The following RUBCNL variants were observed in gnomAD, a reference collection of about 807,000 sequenced individuals.
RUBCNL encodes the protein rubicon like autophagy enhancer, also known as protein associated with UVRAG as autophagy enhancer.
A neutral mutation model predicts 69.5 loss-of-function variants in RUBCNL; 62 were observed. That is an observed-to-expected ratio of 0.89 (90% confidence interval 0.73 to 1.10). The LOEUF (loss-of-function observed/expected upper bound fraction) is 1.10, where lower values mean the gene tolerates loss of function less well. RUBCNL is among the 50% of genes least tolerant of loss of function. The probability of loss-of-function intolerance (pLI) is 0.00; values close to 1 mark genes in which losing one functional copy is unlikely to be tolerated. For synonymous variants in RUBCNL, 291 were observed against 303.6 expected (o/e 0.96, Z 0.43); for missense variants, 768 against 798.1 (o/e 0.96, Z 0.45).
chr13:46,369,417 CT>C (rs1369050480), intron 3 of RUBCNL, among the ~76,000 whole-genome samples: 1 of 152,038 alleles, frequency 6.6e-6, no homozygotes, highest in Non-Finnish European at 1.5e-5. Flanking sequence ...GTCTCATTAG[CT>C]TGCCCAGGCT....
At position 46,356,457 on chromosome 13, in the gene RUBCNL, G is replaced by A. The variant is rs144477423; in HGVS notation, c.1305C>T (p.Ala435=). The A allele has an allele frequency of 3.4e-5, 55 of 1,613,774 alleles. No homozygotes were observed. Among genetic ancestry groups the A allele is most frequent in the East Asian group, 2.2e-5 (1 of 44,878 alleles). ...LVVAAQNFFC[A]GCGTPVEPKF... is the part of the protein sequence containing the mutation. ...TAGGCTCTACTGGAGTTCCACAGCC[G>A]GCACAGAAAAAATTCTGGGCTGCCA... The change falls in exon 10 of 15, where the codon GCC becomes GCT. Residue 435 remains alanine, a synonymous_variant. Transcript: ENST00000429979.
rs572128258 is a variant in RUBCNL at position 46,342,636 on chromosome 13, A to C, written c.*749T>G. On this transcript the variant is annotated 3_prime_UTR_variant, in exon 15 of 15. Transcript: ENST00000429979. ...CTTATGTTCAGTTTTACATCTGTTA[A>C]AGCAAGATCCTCAAGGGCAGGGATG... 9 of 152,332 alleles carry C rather than the reference A, an allele frequency of 5.9e-5. No homozygotes were observed. In the East Asian group the frequency reaches 1.7e-3, roughly 29 times the overall value. The allele number at this position is 152,332 out of a possible 1,614,324, so 9.4% of individuals were successfully genotyped here. A position where few individuals can be genotyped will look rare whatever the true frequency, so the allele number is the denominator to read the frequency against.
At chr13:46,382,364 T>A (rs1345711880) in intron 1 of RUBCNL, among the ~76,000 whole-genome samples, 4 of 150,816 alleles carry the variant, frequency 2.7e-5, no homozygotes, top group Non-Finnish European at 5.9e-5. Context: ...AATAAATGTG[T>A]CAAAAATAGG....
At chr13:46,379,840 C>T (rs1161324480) in intron 1 of RUBCNL, among the ~76,000 whole-genome samples, 2 of 152,224 alleles carry the variant, frequency 1.3e-5, no homozygotes, top group Admixed American at 1.3e-4. Flanking sequence ...TCAGGATCTA[C>T]TTCTCTTCAT....
rs1183678593 is a variant in RUBCNL, at chr13:46,341,974, G to A, written c.*1411C>T. ...TACCCTTGATTCTTAACAGGGAATA[G>A]GAGCAATGGGCAAGAATGAAACATT... On this transcript the variant is annotated 3_prime_UTR_variant, in exon 15 of 15. Transcript: ENST00000429979. The A allele has an allele frequency of 6.6e-6, 1 of 152,242 alleles. No individual in the cohort carries two copies. The allele number at this position is 152,242 out of a possible 1,614,324, so 9.4% of individuals were successfully genotyped here. A position where few individuals can be genotyped will look rare whatever the true frequency, so the allele number is the denominator to read the frequency against.
chr13:46,349,209 G>A, intron 12 of RUBCNL, 77 bp downstream of exon 12: 1 of 1,263,616 alleles, frequency 7.9e-7, no homozygotes, highest in East Asian at 2.3e-5. Context: ...TGTAATGGGG[G>A]AGCCAGATGC....
At chr13:46,352,793 C>T (rs2476667) in intron 10 of RUBCNL, among the ~76,000 whole-genome samples, 3,223 of 150,104 alleles carry the variant, frequency 0.021, 121 homozygotes, top group African/African-American at 0.073. Context: ...GGGCAACAAG[C>T]GTGAAACTCC....
upstream of RUBCNL, chr13:46,387,708 GC>G (rs1456128501): frequency 1.0e-6 from 1 of 985,476 alleles, no homozygotes; most frequent in Non-Finnish European, 1.2e-6. Context: ...TCTGACCTCT[GC>G]TGGCTGCTTC....
rs555756102 is a variant in RUBCNL at position 46,347,153 on chromosome 13, C to T, written c.1632-1553G>A. ...CTTATTTAAAAACAAAACTAGTAAC[C>T]CCAGCACTTTGGGAGGCTGAGGCAG... On this transcript the variant is annotated intron_variant, in intron 12 of 14. Transcript: ENST00000429979. Among the ~76,000 whole-genome samples the T allele has an allele frequency of 6.7e-4, 102 of 152,198 alleles. 1 individual carries two copies. Among genetic ancestry groups the T allele is most frequent in the African/African-American group, 2.4e-3 (101 of 41,532 alleles).
In RUBCNL at chr13:46,335,160, G is replaced by A. The variant is rs1287691293; in HGVS notation, c.*8225C>T. Among the ~76,000 whole-genome samples the A allele has an allele frequency of 6.6e-6, 1 of 151,748 alleles. No homozygotes were observed. Among genetic ancestry groups the A allele is most frequent in the Non-Finnish European group, 1.5e-5 (1 of 67,968 alleles). ...CCTCACTACAGCCTCAAACTCCTGG[G>A]CTCGATCGATCCTCCCACCTCAGCC... is the stretch of plus-strand genomic sequence containing the variant. On this transcript the variant is annotated 3_prime_UTR_variant, in exon 15 of 15. Transcript: ENST00000429979.
At chr13:46,358,801 A>T (rs1594150679) in intron 9 of RUBCNL, among the ~76,000 whole-genome samples, 1 of 151,942 alleles carries the variant, frequency 6.6e-6, no homozygotes, top group African/African-American at 2.4e-5. Context: ...GTGATCCCTG[A>T]CCCCAGCCTA....
rs1296701769 is a variant in RUBCNL, at chr13:46,340,167, A to C, written c.*3218T>G. Among the ~76,000 whole-genome samples the C allele has an allele frequency of 1.3e-5, 2 of 152,036 alleles. No homozygotes were observed. The highest frequency in any genetic ancestry group is 2.9e-5 in the Non-Finnish European group (2 of 68,000). On this transcript the variant is annotated 3_prime_UTR_variant, in exon 15 of 15. Transcript: ENST00000429979. ...ACTAGATCAAAACTCATCCTAATGC[A>C]CTATGTCCTCATCCTAACTTAACCA...
chr13:46,363,309 GA>G (rs1027920803), intron 5 of RUBCNL, 96 bp from the exon 6 acceptor site: 2 of 466,864 alleles, frequency 4.3e-6, no homozygotes, highest in African/African-American at 4.1e-5. Flanking sequence ...GGGAAATGAA[GA>G]GGGCTAAAAG....
intron 7 of RUBCNL, 90 bp from the exon 8 acceptor site, chr13:46,361,663 C>A: frequency 7.4e-6 from 10 of 1,352,778 alleles, no homozygotes; most frequent in Non-Finnish European, 9.1e-6. Context: ...TTCTTCCCAG[C>A]CCCCAAAACT....
Position 46,338,828 on chromosome 13 carries a change from G to A in RUBCNL, c.*4557C>T, listed in dbSNP as rs1366532879. Among the ~76,000 whole-genome samples, 5 of 151,952 alleles carry A rather than the reference G, an allele frequency of 3.3e-5. No homozygotes were observed. The highest frequency in any genetic ancestry group is 6.6e-5 in the Admixed American group (1 of 15,252). ...TCCAAGCACTTTGGGAGGCCGAGGC[G>A]GGTAGATCACTTCTGAGACCAGCCT... On this transcript the variant is annotated 3_prime_UTR_variant, in exon 15 of 15. Transcript: ENST00000429979.
rs776668833 is a variant in RUBCNL at position 46,368,825 on chromosome 13, T to C, written c.536-10A>G. On this transcript the variant is annotated splice_polypyrimidine_tract_variant and intron_variant, in intron 3 of 14. Transcript: ENST00000429979. ...CTGACTTGAACAGCACCTGCCAATA[T>C]AGCAAATTGTTAAAAATGGGGAAAA... is the stretch of plus-strand genomic sequence containing the variant. 1.1e-5 allele frequency: 17 copies of C among 1,599,240 alleles called. No homozygotes were observed. Among genetic ancestry groups the C allele is most frequent in the East Asian group, 2.2e-5 (1 of 44,782 alleles).
chr13:46,387,500 C>T, upstream of RUBCNL: 1 of 985,662 alleles, frequency 1.0e-6, no homozygotes, highest in Non-Finnish European at 1.2e-6. Context: ...CCTAGAAATC[C>T]CGCCCTGCCT....
intron 8 of RUBCNL, among the ~76,000 whole-genome samples, 186 bp downstream of exon 8, chr13:46,361,255 T>C (rs1316243446): frequency 6.6e-6 from 1 of 152,148 alleles, no homozygotes; most frequent in Non-Finnish European, 1.5e-5. Flanking sequence ...TAAAATAATG[T>C]GGACTGCTGA....
At chr13:46,344,691 TTTAA>T (rs746004667) in intron 14 of RUBCNL, 46 bp downstream of exon 14, 4 of 1,229,938 alleles carry the variant, frequency 3.3e-6, no homozygotes, top group African/African-American at 3.0e-5. Flanking sequence ...CTAAACTTAG[TTTAA>T]TTAGTTAACC....
Sources: allele counts gnomAD v4.1 joint callset (sites outside exome capture counted in the v4.1 genomes callset), GRCh38; gene constraint gnomAD v4.1.1; transcripts MANE v1.5; gene names NCBI Gene and HGNC (gene_info 2026-07-23, HGNC 2026-07-21).